Variants in DYM observed in about 807,000 individuals in gnomAD.
DYM encodes the protein dyggve-Melchior-Clausen syndrome protein.
DYM carries 78 observed loss-of-function variants against 93.1 expected under a neutral mutation model. The observed-to-expected ratio is 0.84, with a 90% CI of 0.70 to 1.01. The LOEUF is 1.01. Ranked by LOEUF, DYM falls within the 50% of genes least tolerant of loss-of-function variation. The pLI is 0.00. For synonymous variants in DYM, 321 were observed against 319.7 expected (o/e 1.00, Z -0.04); for missense variants, 789 against 845.0 (o/e 0.93, Z 0.82).
At chr18:49,431,714 C>T (rs1017681005) in intron 1 of DYM, 2 of 152,184 alleles carry the variant, frequency 1.3e-5, no homozygotes, top group African/African-American at 4.8e-5. Context: ...GTATTAGTGA[C>T]TCACTTTCTT....
At position 49,203,183 on chromosome 18, in the gene DYM, G is replaced by A. The variant is rs533979204; in HGVS notation, c.1625+6368C>T. Among the ~76,000 whole-genome samples the A allele has an allele frequency of 6.7e-3, 629 of 94,042 alleles. 9 individuals carry two copies. The highest frequency in any genetic ancestry group is 0.01 in the Non-Finnish European group (439 of 42,368). The allele number at this position is 94,042 out of a possible 152,430, so 61.7% of individuals were successfully genotyped here. On this transcript the variant is annotated intron_variant, in intron 14 of 17. Transcript: ENST00000675505. ...GCCCCGTCCGGGAGGGAGGTTGGGG[G>A]GTCAGCCCCCCGCCCGGCCAGCCAC...
intron 1 of DYM, among the ~76,000 whole-genome samples, chr18:49,446,246 A>AC (rs1350362761): frequency 2.0e-5 from 3 of 152,104 alleles, no homozygotes; most frequent in African/African-American, 7.2e-5. Flanking sequence ...ACACAGTGAG[A>AC]CCCCATCTCT....
At chr18:49,062,888 G>A (rs755403203) in intron 17 of DYM, among the ~76,000 whole-genome samples, 2 of 152,152 alleles carry the variant, frequency 1.3e-5, no homozygotes, top group Non-Finnish European at 2.9e-5. Flanking sequence ...AATGGATGTC[G>A]TGATGGGAAG....
At chr18:49,370,300 C>A (rs28421528) in intron 5 of DYM, among the ~76,000 whole-genome samples, 5,085 of 133,750 alleles carry the variant, frequency 0.038, 178 homozygotes, top group African/African-American at 0.1. Context: ...AAAAAAAAAA[C>A]AAAACAGGAC....
intron 16 of DYM, among the ~76,000 whole-genome samples, chr18:49,101,566 T>C (rs2080143997): frequency 6.6e-6 from 1 of 152,172 alleles, no homozygotes; most frequent in Non-Finnish European, 1.5e-5. Flanking sequence ...AAAAAGGAGC[T>C]AGTATGTGCT....
intron 16 of DYM, among the ~76,000 whole-genome samples, chr18:49,099,883 G>A (rs2079959162): frequency 6.6e-6 from 1 of 152,190 alleles, no homozygotes; most frequent in Non-Finnish European, 1.5e-5. Context: ...TCCAGGAGGA[G>A]GGGGATGCCA....
chr18:49,420,732 C>G (rs1356473899), intron 2 of DYM, among the ~76,000 whole-genome samples: 2 of 152,132 alleles, frequency 1.3e-5, no homozygotes, highest in Non-Finnish European at 2.9e-5. Flanking sequence ...ATCACCTCAC[C>G]AGGGAAGTGC....
chr18:49,439,680 T>G (rs960330494), intron 1 of DYM, among the ~76,000 whole-genome samples: 1 of 152,184 alleles, frequency 6.6e-6, no homozygotes, highest in Non-Finnish European at 1.5e-5. Context: ...TATATCATTT[T>G]TACCCATCAA....
chr18:49,409,435 A>T (rs560435383), intron 2 of DYM, among the ~76,000 whole-genome samples: 1 of 152,352 alleles, frequency 6.6e-6, no homozygotes, highest in East Asian at 1.9e-4. Flanking sequence ...ACAATTCAGG[A>T]GGTGATGGAA....
chr18:49,285,251 G>GC (rs1222565290), intron 9 of DYM, among the ~76,000 whole-genome samples: 1 of 152,184 alleles, frequency 6.6e-6, no homozygotes, highest in African/African-American at 2.4e-5. Context: ...TGGCAGAGGC[G>GC]CAATTAATGG....
rs147665004 is a variant in DYM, at chr18:49,441,387, C to T, written c.-53-10940G>A. 3.9e-3 allele frequency among the ~76,000 whole-genome samples: 430 copies of T among 109,734 alleles called. 17 individuals are homozygous for T. In the South Asian group the frequency reaches 0.089, roughly 23 times the overall value. The allele number at this position is 109,734 out of a possible 152,430, so 72.0% of individuals were successfully genotyped here. A position where few individuals can be genotyped will look rare whatever the true frequency, so the allele number is the denominator to read the frequency against. ...TATATATATGGATTGTGTGTACAAACACACATATATGCCCCACTTGTACCT... is the reference window on the plus strand; with the variant it reads ...TATATATATGGATTGTGTGTACAAATACACATATATGCCCCACTTGTACCT... On this transcript the variant is annotated intron_variant, in intron 1 of 17. Transcript: ENST00000675505.
At position 49,335,812 on chromosome 18, in the gene DYM, C is replaced by CTT. The variant is rs35594525; in HGVS notation, c.495-1961_495-1960dup. 6.7e-4 allele frequency among the ~76,000 whole-genome samples: 98 copies of CTT among 147,242 alleles called. 1 individual carries two copies. Among genetic ancestry groups the CTT allele is most frequent in the Admixed American group, 1.5e-3 (22 of 14,870 alleles). On this transcript the variant is annotated intron_variant, in intron 6 of 17. Coordinates refer to ENST00000675505, the MANE Select transcript of DYM (RefSeq NM_001353214.3). ...CAATACATTTGCAAACGTTTTCTGT[C>CTT]TTTTTTTTTTTTCTTTTTGGAGACA...
chr18:49,221,545 G>T (rs1485123992), intron 13 of DYM, among the ~76,000 whole-genome samples: 2 of 152,132 alleles, frequency 1.3e-5, no homozygotes, highest in African/African-American at 4.8e-5. Context: ...AGAAAATGTG[G>T]CACATATACA....
intron 15 of DYM, among the ~76,000 whole-genome samples, chr18:49,138,549 G>C (rs1456442940): frequency 6.6e-6 from 1 of 152,188 alleles, no homozygotes; most frequent in African/African-American, 2.4e-5. Flanking sequence ...AATCTAGGCA[G>C]GTGGGGAGGT....
At chr18:49,345,275 C>A (rs2064488311) in intron 6 of DYM, among the ~76,000 whole-genome samples, 1 of 152,102 alleles carries the variant, frequency 6.6e-6, no homozygotes, top group African/African-American at 2.4e-5. Flanking sequence ...AAGCATATAT[C>A]TCTTCTTCTG....
intron 9 of DYM, among the ~76,000 whole-genome samples, chr18:49,283,030 A>T (rs978705759): frequency 6.6e-6 from 1 of 152,196 alleles, no homozygotes; most frequent in Non-Finnish European, 1.5e-5. Flanking sequence ...ATAAGTTGAA[A>T]ATATTCTAAG....
At chr18:49,194,970 T>C (rs78063241) in intron 14 of DYM, among the ~76,000 whole-genome samples, 4,444 of 152,262 alleles carry the variant, frequency 0.029, 207 homozygotes, top group African/African-American at 0.1. Context: ...TGAGTGGTGA[T>C]GGTAAAGCTT....
chr18:49,179,178 A>G (rs1013375416), intron 14 of DYM, among the ~76,000 whole-genome samples: 2 of 152,078 alleles, frequency 1.3e-5, no homozygotes, highest in Admixed American at 6.6e-5. Context: ...TTTCCATTCC[A>G]TAATGATCTC....
At chr18:49,446,514 T>C (rs2082104949) in intron 1 of DYM, among the ~76,000 whole-genome samples, 1 of 152,128 alleles carries the variant, frequency 6.6e-6, no homozygotes, top group South Asian at 2.1e-4. Context: ...AAAGAACAAG[T>C]ACAGGGTTGA....
Sources: allele counts gnomAD v4.1 joint callset (sites outside exome capture counted in the v4.1 genomes callset), GRCh38; gene constraint gnomAD v4.1.1; transcripts MANE v1.5; gene names NCBI Gene and HGNC (gene_info 2026-07-23, HGNC 2026-07-21).